The following TGFBRAP1 variants were observed in gnomAD, a reference collection of about 807,000 sequenced individuals.
The protein encoded by TGFBRAP1 is transforming growth factor-beta receptor-associated protein 1.
Under a neutral mutation model 83.2 loss-of-function variants are expected in TGFBRAP1, and 20 were observed. The observed-to-expected ratio is 0.24, with a 90% CI of 0.17 to 0.35. The LOEUF (loss-of-function observed/expected upper bound fraction) is 0.35, where lower values mean the gene tolerates loss of function less well. Ranked by LOEUF, TGFBRAP1 falls within the 10% of genes least tolerant of loss-of-function variation. TGFBRAP1 has a pLI of 1.00. For synonymous variants in TGFBRAP1, 415 were observed against 459.8 expected (o/e 0.90, Z 1.25); for missense variants, 950 against 1,099.4 (o/e 0.86, Z 1.92).
At chr2:105,286,089 AG>A (rs1347653512) in intron 4 of TGFBRAP1, among the ~76,000 whole-genome samples, 1 of 152,242 alleles carries the variant, frequency 6.6e-6, no homozygotes, top group East Asian at 1.9e-4. Context: ...TTATGGCGGT[AG>A]GATTCAAATG....
At chr2:105,278,928 G>T (rs991385668) in intron 6 of TGFBRAP1, among the ~76,000 whole-genome samples, 1 of 151,888 alleles carries the variant, frequency 6.6e-6, no homozygotes, top group Non-Finnish European at 1.5e-5. Context: ...GATGGAAACT[G>T]CTGAAAAGGC....
At chr2:105,272,804 C>T (rs769341063) in intron 10 of TGFBRAP1, 51 bp downstream of exon 10, 36 of 1,599,382 alleles carry the variant, frequency 2.3e-5, no homozygotes, top group South Asian at 4.4e-5. Context: ...TCCTCCCACC[C>T]GCTTGATATG....
At chr2:105,314,900 A>G (rs911324741) in intron 1 of TGFBRAP1, among the ~76,000 whole-genome samples, 1 of 150,414 alleles carries the variant, frequency 6.6e-6, no homozygotes, top group African/African-American at 2.4e-5. Flanking sequence ...CAGTGAACCG[A>G]GATCGCACCA....
intron 8 of TGFBRAP1, among the ~76,000 whole-genome samples, chr2:105,274,175 T>C (rs3816133): frequency 0.19 from 28,301 of 152,198 alleles, 3,289 homozygotes; most frequent in East Asian, 0.51. Flanking sequence ...TTATTTATGA[T>C]AGATGGTTAA....
the TGFBRAP1 span, among the ~76,000 whole-genome samples, chr2:105,253,750 A>T: frequency 1.3e-5 from 2 of 152,196 alleles, no homozygotes; most frequent in East Asian, 1.9e-4. Flanking sequence ...GTTTAAAAAA[A>T]TTTTATCTCC....
chr2:105,303,692 G>A (rs1033401600), intron 2 of TGFBRAP1, among the ~76,000 whole-genome samples: 10 of 152,198 alleles, frequency 6.6e-5, no homozygotes, highest in East Asian at 3.8e-4. Context: ...ATTACAGAGC[G>A]ATGAAGGCAT....
chr2:105,272,803 C>T (rs1677202603), intron 10 of TGFBRAP1, 52 bp downstream of exon 10: 7 of 1,598,840 alleles, frequency 4.4e-6, no homozygotes, highest in Non-Finnish European at 5.1e-6. Context: ...TTCCTCCCAC[C>T]CGCTTGATAT....
At position 105,269,557 on chromosome 2, in the gene TGFBRAP1, T is replaced by C. The variant is rs749301041; in HGVS notation, c.2121A>G (p.Arg707=). 9 of 1,611,842 alleles carry C rather than the reference T, an allele frequency of 5.6e-6. 1 individual carries two copies. In the South Asian group the frequency reaches 9.9e-5, roughly 18 times the overall value. ...EDYCLWCSEG[R]DPPHRQQLFH... is the part of the protein sequence containing the mutation. ...AGAGTTGCTGGCGGTGGGGTGGGTC[T>C]CGGCCCTCGGAGCACCACAGGCAGT... is the stretch of plus-strand genomic sequence containing the variant. Residue 707 remains arginine, a synonymous_variant, in exon 11 of 12, where the codon CGA becomes CGG. Coordinates refer to ENST00000393359, the MANE Select transcript of TGFBRAP1 (RefSeq NM_004257.6). The surrounding 1 kb of genome is among the most constrained non-coding windows in gnomAD (Gnocchi z 4.1).
At chr2:105,320,828 T>C (rs914481832) in intron 1 of TGFBRAP1, among the ~76,000 whole-genome samples, 1 of 152,336 alleles carries the variant, frequency 6.6e-6, no homozygotes, top group Middle Eastern at 3.4e-3. Flanking sequence ...CAGTAAACAC[T>C]ACTCTCTAGA....
intron 1 of TGFBRAP1, among the ~76,000 whole-genome samples, chr2:105,318,799 G>A (rs1678965826): frequency 6.6e-6 from 1 of 152,152 alleles, no homozygotes; most frequent in Admixed American, 6.5e-5. Context: ...GATGGCTCAG[G>A]GGGCGAACAC....
chr2:105,292,079 C>A (rs1334518581), intron 4 of TGFBRAP1, among the ~76,000 whole-genome samples: 1 of 152,146 alleles, frequency 6.6e-6, no homozygotes, highest in Non-Finnish European at 1.5e-5. Context: ...AGCACAAACT[C>A]AAGAGACAGT....
intron 1 of TGFBRAP1, chr2:105,327,341 A>T (rs1679251645): frequency 6.6e-6 from 1 of 152,210 alleles, no homozygotes; most frequent in African/African-American, 2.4e-5. Flanking sequence ...AGACAGGAGG[A>T]TTGCTTGAGG....
At chr2:105,310,778 A>G (rs1414595498) in intron 1 of TGFBRAP1, among the ~76,000 whole-genome samples, 1 of 152,184 alleles carries the variant, frequency 6.6e-6, no homozygotes, top group Non-Finnish European at 1.5e-5. Context: ...CCAGATATTG[A>G]AATGTCAGCT....
intron 1 of TGFBRAP1, among the ~76,000 whole-genome samples, chr2:105,313,970 C>T (rs1455308790): frequency 6.6e-6 from 1 of 152,060 alleles, no homozygotes; most frequent in African/African-American, 2.4e-5. Flanking sequence ...AAGTCCTAAC[C>T]CCCAGTACCC....
At chr2:105,273,832 G>A in intron 8 of TGFBRAP1, 142 bp from the exon 9 acceptor site, 1 of 1,062,324 alleles carries the variant, frequency 9.4e-7, no homozygotes, top group Non-Finnish European at 1.3e-6. Flanking sequence ...ACAGCTTTTT[G>A]TATGTCAATC....
chr2:105,319,874 A>T (rs1002219896), intron 1 of TGFBRAP1, among the ~76,000 whole-genome samples: 1 of 150,428 alleles, frequency 6.6e-6, no homozygotes, highest in African/African-American at 2.4e-5. Context: ...TGAAATATAT[A>T]TTTGTTATAT....
At chr2:105,309,812 C>A (rs569020854) in intron 1 of TGFBRAP1, among the ~76,000 whole-genome samples, 67 of 152,282 alleles carry the variant, frequency 4.4e-4, no homozygotes, top group African/African-American at 1.5e-3. Flanking sequence ...GGAACTTAAT[C>A]CCCAGAGTGG....
chr2:105,315,701 A>G (rs919016396), intron 1 of TGFBRAP1, among the ~76,000 whole-genome samples: 2 of 152,136 alleles, frequency 1.3e-5, no homozygotes, highest in Non-Finnish European at 2.9e-5. Context: ...GATCGACAAC[A>G]CCAAATGTTA....
intron 4 of TGFBRAP1, among the ~76,000 whole-genome samples, chr2:105,294,473 AT>A (rs1316106433): frequency 6.6e-6 from 1 of 152,194 alleles, no homozygotes; most frequent in Non-Finnish European, 1.5e-5. Context: ...TCATTTCCAT[AT>A]AGTTGCATGG....
Sources: allele counts gnomAD v4.1 joint callset (sites outside exome capture counted in the v4.1 genomes callset), GRCh38; gene constraint gnomAD v4.1.1; non-coding constraint Gnocchi (gnomAD v3.1); transcripts MANE v1.5; gene names NCBI Gene and HGNC (gene_info 2026-07-23, HGNC 2026-07-21).